Variants in USP49 observed in about 807,000 individuals in gnomAD.
USP49 encodes the protein ubiquitin carboxyl-terminal hydrolase 49.
Under a neutral mutation model 58.6 loss-of-function variants are expected in USP49, and 24 were observed. That is an observed-to-expected ratio of 0.41 (90% CI 0.30 to 0.58). The LOEUF (loss-of-function observed/expected upper bound fraction) is 0.58, where lower values mean the gene tolerates loss of function less well. Ranked by LOEUF, USP49 falls within the 20% of genes least tolerant of loss-of-function variation. The probability of loss-of-function intolerance (pLI) is 0.30; values close to 1 mark genes in which losing one functional copy is unlikely to be tolerated. For missense variants in USP49, 703 were observed against 866.1 expected, an observed-to-expected ratio of 0.81 and a Z score of 2.36; for synonymous variants, 408 against 365.1, an observed-to-expected ratio of 1.12 and a Z score of -1.34.
rs193031593 is a variant in USP49, at chr6:41,879,248, A to C, written c.-102-7611T>G. Among the ~76,000 whole-genome samples the C allele has an allele frequency of 3.9e-3, 593 of 152,176 alleles. 4 individuals are homozygous for C. The highest frequency in any genetic ancestry group is 0.014 in the African/African-American group (575 of 41,528). On this transcript the variant is annotated intron_variant, in intron 2 of 7. Transcript: ENST00000682992. ...TGCCTCTATGTTTTGTTTGTTTTTG[A>C]AACAGGGTCTTCCTCTGTCGCCCAG...
chr6:41,856,386 A>C (rs967067526), intron 3 of USP49, among the ~76,000 whole-genome samples: 2 of 152,134 alleles, frequency 1.3e-5, no homozygotes, highest in Non-Finnish European at 2.9e-5. Context: ...AAAAAAAAAA[A>C]AAACTTGTAA....
At chr6:41,858,373 C>T (rs2127353606) in intron 3 of USP49, among the ~76,000 whole-genome samples, 1 of 152,270 alleles carries the variant, frequency 6.6e-6, no homozygotes, top group East Asian at 1.9e-4. Context: ...ACTGTGTTCC[C>T]TATCTTAGTG....
At chr6:41,822,072 A>G (rs1050321438) in intron 3 of USP49, among the ~76,000 whole-genome samples, 2 of 152,186 alleles carry the variant, frequency 1.3e-5, no homozygotes, top group Non-Finnish European at 2.9e-5. Flanking sequence ...TGAATCCATA[A>G]TGTATGTATA....
intron 3 of USP49, among the ~76,000 whole-genome samples, chr6:41,817,289 A>C (rs944705671): frequency 6.6e-6 from 1 of 150,382 alleles, no homozygotes; most frequent in Non-Finnish European, 1.5e-5. Flanking sequence ...CTGGGACTAC[A>C]GGCACACACC....
intron 3 of USP49, among the ~76,000 whole-genome samples, chr6:41,810,403 T>C (rs1189499326): frequency 3.3e-5 from 5 of 149,866 alleles, no homozygotes; most frequent in Non-Finnish European, 7.4e-5. Flanking sequence ...GGCAGAAGAA[T>C]TGCTTGAACC....
intron 5 of USP49, among the ~76,000 whole-genome samples, chr6:41,802,444 A>ATTTTTTTTTTTTTTTTTTTTTTTTTTTTT (rs1773025624): frequency 2.0e-5 from 1 of 50,736 alleles, no homozygotes; most frequent in Non-Finnish European, 3.9e-5. Context: ...TTATTTATTT[A>ATTTTTTTTTTTTTTTTTTTTTTTTTTTTT]TTTATTTATT....
intron 3 of USP49, among the ~76,000 whole-genome samples, chr6:41,810,982 G>A (rs1212573572): frequency 1.3e-5 from 2 of 152,178 alleles, no homozygotes; most frequent in Non-Finnish European, 2.9e-5. Flanking sequence ...CCAATGTACT[G>A]TGAGTAGCCC....
At chr6:41,881,288 C>CAAAAAAAAAAAAAAAAAAAAAAAAAAA (rs57022965) in intron 2 of USP49, among the ~76,000 whole-genome samples, 2 of 20,388 alleles carry the variant, frequency 9.8e-5, no homozygotes, top group Non-Finnish European at 1.5e-4. Context: ...CATTAAATAC[C>CAAAAAAAAAAAAAAAAAAAAAAAAAAA]AAAAAAAAAA....
At chr6:41,884,358 A>T (rs1476494447) in intron 2 of USP49, among the ~76,000 whole-genome samples, 1 of 152,228 alleles carries the variant, frequency 6.6e-6, no homozygotes, top group African/African-American at 2.4e-5. Context: ...GCTCACTGAA[A>T]AAAGTAAAAA....
intron 3 of USP49, among the ~76,000 whole-genome samples, chr6:41,859,094 G>A (rs1347961217): frequency 1.3e-5 from 2 of 152,092 alleles, no homozygotes; most frequent in Admixed American, 6.6e-5. Flanking sequence ...CTTTTAATGG[G>A]TCTTCCTGCA....
intron 3 of USP49, among the ~76,000 whole-genome samples, chr6:41,855,242 C>T (rs1774105896): frequency 6.6e-6 from 1 of 151,136 alleles, no homozygotes; most frequent in African/African-American, 2.4e-5. Context: ...TGGCCAGGCA[C>T]GGTGGCTCAC....
chr6:41,869,080 C>CTT (rs571000427), intron 3 of USP49, among the ~76,000 whole-genome samples: 1,757 of 137,870 alleles, frequency 0.013, 39 homozygotes, highest in African/African-American at 0.043. Flanking sequence ...TGTTCTTAGT[C>CTT]TTTTTTTTTT....
intron 2 of USP49, among the ~76,000 whole-genome samples, chr6:41,891,384 C>A (rs1774808092): frequency 6.6e-6 from 1 of 152,088 alleles, no homozygotes; most frequent in Admixed American, 6.6e-5. Context: ...CTGAGTATAA[C>A]CTTGGGCAAA....
chr6:41,826,062 G>A (rs954612134), intron 3 of USP49, among the ~76,000 whole-genome samples: 8 of 152,120 alleles, frequency 5.3e-5, no homozygotes, highest in African/African-American at 1.9e-4. Context: ...CCAGGAGTTC[G>A]AGACCAGCCT....
At chr6:41,799,122 A>G (rs1343600353) in intron 6 of USP49, among the ~76,000 whole-genome samples, 193 bp from the exon 7 acceptor site, 2 of 141,074 alleles carry the variant, frequency 1.4e-5, no homozygotes, top group African/African-American at 2.7e-5. Context: ...TTATTTTCAG[A>G]CAGGGTCTCA....
intron 3 of USP49, among the ~76,000 whole-genome samples, chr6:41,842,291 T>A (rs1773841057): frequency 6.6e-6 from 1 of 151,714 alleles, no homozygotes. Flanking sequence ...GAGAATCACT[T>A]GAACCCAGGA....
chr6:41,855,050 G>A lies in USP49; in HGVS notation c.-29+16514C>T, dbSNP rs528995607. Among the ~76,000 whole-genome samples the A allele has an allele frequency of 5.3e-5, 8 of 151,810 alleles. No homozygotes were observed. The East Asian group carries it at 1.2e-3, about 22-fold the overall frequency. On this transcript the variant is annotated intron_variant, in intron 3 of 7. Coordinates refer to ENST00000682992, the MANE Select transcript of USP49 (RefSeq NM_001286554.2). The stretch of plus-strand genomic sequence containing the variant: ...TGGCCTCCCAAAGTGCTGGGATTAC[G>A]GGTGTGAGCCATTGTGCCTGGCAGG...
rs1320015887 is a variant in USP49 at position 41,790,797 on chromosome 6, TGATA to T, written c.*5732_*5735del. On this transcript the variant is annotated 3_prime_UTR_variant, in exon 8 of 8. Transcript: ENST00000682992. Reference sequence around the variant, plus strand: ...TTGTATAAATCAGATAGATCTTATCTGATAGATGAAGCTAAGACCCTTTGAGTCT... The same window carrying T: ...TTGTATAAATCAGATAGATCTTATCTGATGAAGCTAAGACCCTTTGAGTCT... The T allele has an allele frequency of 7.9e-5, 12 of 152,252 alleles. No individual in the cohort carries two copies. The highest frequency in any genetic ancestry group is 1.8e-4 in the Non-Finnish European group (12 of 68,034). 9.4% of individuals were successfully genotyped at this position (152,252 alleles called of 1,614,324 possible). A position where few individuals can be genotyped will look rare whatever the true frequency, so the allele number is the denominator to read the frequency against.
Position 41,849,760 on chromosome 6 carries a change from G to A in USP49, c.-29+21804C>T, listed in dbSNP as rs567494753. Reference sequence around the variant, plus strand: ...GTAGCTGGGATTACAGGCACGCGCCGCCACGCCCAGCTAATTTTTTGTATT... The same window carrying A: ...GTAGCTGGGATTACAGGCACGCGCCACCACGCCCAGCTAATTTTTTGTATT... On this transcript the variant is annotated intron_variant, in intron 3 of 7. Transcript: ENST00000682992. Among the ~76,000 whole-genome samples, 8 of 151,870 alleles carry A rather than the reference G, an allele frequency of 5.3e-5. No homozygotes were observed. In the East Asian group the frequency reaches 5.8e-4, roughly 11 times the overall value.
Sources: allele counts gnomAD v4.1 joint callset (sites outside exome capture counted in the v4.1 genomes callset), GRCh38; gene constraint gnomAD v4.1.1; transcripts MANE v1.5; gene names NCBI Gene and HGNC (gene_info 2026-07-23, HGNC 2026-07-21).